Variants in CSMD1 observed in about 807,000 individuals in gnomAD.
CSMD1 encodes the protein CUB and Sushi multiple domains 1.
In CSMD1, 213 loss-of-function variants were observed where a neutral mutation model predicts 417.5. That is an observed-to-expected ratio of 0.51 (90% CI 0.46 to 0.57). The LOEUF is 0.57. CSMD1 is among the 20% of genes least tolerant of loss of function. CSMD1 has a pLI of 0.00. For missense variants in CSMD1, 6,923 were observed against 4,529.7 expected (o/e 1.53, Z -15.17); for synonymous variants, 2,862 against 1,736.8 (o/e 1.65, Z -16.11).
At chr8:4,594,494 C>A (rs1367081745) in intron 2 of CSMD1, among the ~76,000 whole-genome samples, 1 of 152,022 alleles carries the variant, frequency 6.6e-6, no homozygotes, top group East Asian at 1.9e-4. Context: ...GCCACCACAC[C>A]CACCCTGAAA....
At chr8:3,266,580 T>C (rs1310484863) in intron 26 of CSMD1, among the ~76,000 whole-genome samples, 1 of 113,560 alleles carries the variant, frequency 8.8e-6, no homozygotes, top group African/African-American at 3.5e-5. Context: ...CATTCCAGCC[T>C]GGTGGCAGAG....
At chr8:4,967,068 A>C (rs947452140) in intron 1 of CSMD1, among the ~76,000 whole-genome samples, 8 of 152,212 alleles carry the variant, frequency 5.3e-5, no homozygotes, top group Non-Finnish European at 1.0e-4. Context: ...AGGCTAATTC[A>C]ATTAGTCACT....
intron 52 of CSMD1, among the ~76,000 whole-genome samples, chr8:3,006,262 G>A (rs953792080): frequency 4.0e-5 from 6 of 151,596 alleles, no homozygotes; most frequent in African/African-American, 1.5e-4. Context: ...ACTGCTCAAG[G>A]AAATAAAAGA....
At chr8:4,293,377 T>C (rs73500692) in intron 3 of CSMD1, among the ~76,000 whole-genome samples, 1,592 of 152,338 alleles carry the variant, frequency 0.01, 28 homozygotes, top group African/African-American at 0.037. Flanking sequence ...TCTAAATTTA[T>C]TGAGCAACTC....
At chr8:3,167,847 T>A (rs767550656) in intron 37 of CSMD1, among the ~76,000 whole-genome samples, 2 of 152,156 alleles carry the variant, frequency 1.3e-5, no homozygotes, top group South Asian at 2.1e-4. Flanking sequence ...TTTTTCTAAA[T>A]CCATCAGGCA....
At chr8:3,308,250 A>G in intron 24 of CSMD1, 62 bp downstream of exon 24, 1 of 1,303,504 alleles carries the variant, frequency 7.7e-7, no homozygotes, top group Non-Finnish European at 1.1e-6. Flanking sequence ...AGTCAATGCA[A>G]CATGGTGCAA....
chr8:4,426,191 CTG>C (rs1444831051), intron 2 of CSMD1, among the ~76,000 whole-genome samples: 1 of 151,722 alleles, frequency 6.6e-6, no homozygotes, highest in Non-Finnish European at 1.5e-5. Flanking sequence ...AGACTGGAAT[CTG>C]TGAATTAAGA....
At chr8:3,725,058 G>C (rs768004121) in intron 6 of CSMD1, among the ~76,000 whole-genome samples, 1 of 152,216 alleles carries the variant, frequency 6.6e-6, no homozygotes, top group Non-Finnish European at 1.5e-5. Flanking sequence ...ACGACTAGAG[G>C]AGTGAGGCAG....
intron 5 of CSMD1, among the ~76,000 whole-genome samples, chr8:3,911,065 G>T (rs1281794584): frequency 6.6e-6 from 1 of 152,132 alleles, no homozygotes; most frequent in Non-Finnish European, 1.5e-5. Context: ...CTAGAAATTG[G>T]AGATGACCAG....
chr8:4,517,493 A>G (rs950164032), intron 2 of CSMD1, among the ~76,000 whole-genome samples: 1 of 152,264 alleles, frequency 6.6e-6, no homozygotes, highest in South Asian at 2.1e-4. Flanking sequence ...TCCTGGAACA[A>G]TAACTGTGGC....
At chr8:3,633,993 T>C (rs759573532) in intron 7 of CSMD1, among the ~76,000 whole-genome samples, 5 of 150,704 alleles carry the variant, frequency 3.3e-5, no homozygotes, top group South Asian at 2.1e-4. Flanking sequence ...ATGACCCTTA[T>C]ATAAAATGTC....
intron 8 of CSMD1, among the ~76,000 whole-genome samples, chr8:3,611,982 C>T (rs1253821621): frequency 6.6e-6 from 1 of 152,050 alleles, no homozygotes; most frequent in African/African-American, 2.4e-5. Context: ...AAATAATATA[C>T]TCAGTTATTT....
chr8:3,988,002 C>G (rs1762705077), intron 5 of CSMD1, among the ~76,000 whole-genome samples: 2 of 152,174 alleles, frequency 1.3e-5, no homozygotes, highest in South Asian at 2.1e-4. Flanking sequence ...TTGAAAAGAG[C>G]TCAAAATGAT....
chr8:4,077,301 A>ATATATATATATATATG (rs1799877344), intron 3 of CSMD1, among the ~76,000 whole-genome samples: 2 of 73,542 alleles, frequency 2.7e-5, no homozygotes, highest in African/African-American at 7.3e-5. Flanking sequence ...ATATGTGTAT[A>ATATATATATATATATG]TATATATATA....
intron 57 of CSMD1, among the ~76,000 whole-genome samples, chr8:2,967,348 G>A (rs971010784): frequency 6.6e-6 from 1 of 152,156 alleles, no homozygotes; most frequent in Admixed American, 6.5e-5. Context: ...GCTTTGACAT[G>A]ATTGAACTTT....
chr8:3,663,562 A>G (rs959228767), intron 7 of CSMD1, among the ~76,000 whole-genome samples: 4 of 152,068 alleles, frequency 2.6e-5, no homozygotes, highest in African/African-American at 7.2e-5. Context: ...CCTGCCTCCA[A>G]CTCTATTCAA....
At chr8:4,123,651 T>A (rs751830737) in intron 3 of CSMD1, among the ~76,000 whole-genome samples, 6 of 152,220 alleles carry the variant, frequency 3.9e-5, no homozygotes, top group Non-Finnish European at 8.8e-5. Context: ...AAATGGGAAC[T>A]GGTAACACTC....
intron 11 of CSMD1, among the ~76,000 whole-genome samples, chr8:3,485,536 CACAGAG>C (rs1449098071): frequency 7.3e-5 from 7 of 96,474 alleles, no homozygotes; most frequent in African/African-American, 2.9e-4. Flanking sequence ...TACACACACA[CACAGAG>C]AGAGAGAGAG....
At chr8:4,841,564 T>C (rs1326168535) in intron 1 of CSMD1, among the ~76,000 whole-genome samples, 2 of 152,078 alleles carry the variant, frequency 1.3e-5, no homozygotes, top group Non-Finnish European at 2.9e-5. Context: ...ATACAAACCA[T>C]GAAACCATTA....
Sources: gnomAD v4.1 joint callset for allele counts (sites outside exome capture counted in the v4.1 genomes callset) on GRCh38, gnomAD v4.1.1 for gene constraint, MANE v1.5 for transcripts, NCBI Gene and HGNC (gene_info 2026-07-23, HGNC 2026-07-21) for gene names.